The following CNOT1 variants were observed in gnomAD, a reference collection of about 807,000 sequenced individuals.
CNOT1 encodes the protein CCR4-NOT transcription complex subunit 1.
Under a neutral mutation model 273.8 loss-of-function variants are expected in CNOT1, and 15 were observed. The ratio of observed to expected loss-of-function variants is 0.05; its 90% confidence interval spans 0.04 to 0.08. The LOEUF (loss-of-function observed/expected upper bound fraction) is 0.08. CNOT1 is among the 10% of genes least tolerant of loss of function. The probability of loss-of-function intolerance (pLI) is 1.00; values close to 1 mark genes in which losing one functional copy is unlikely to be tolerated. For missense variants in CNOT1, 1,644 were observed against 2,912.2 expected (o/e 0.56, Z 10.02); for synonymous variants, 1,022 against 1,005.5 (o/e 1.02, Z -0.31).
chr16:58,542,255 C>T lies in CNOT1; in HGVS notation c.4656G>A (p.Arg1552=), dbSNP rs762300040. The change falls in exon 33 of 49, where the codon CGG becomes CGA. Residue 1552 remains arginine, a synonymous_variant. Coordinates refer to ENST00000317147, the MANE Select transcript of CNOT1 (RefSeq NM_016284.5). ...DPVVLTYQAE[R]MPEQIRLKVG... is the part of the protein sequence containing the mutation. ...CTTTCAGCCTGATTTGCTCTGGCAT[C>T]CGTTCAGCTTGATATGTTAAAACAA... 3.7e-6 allele frequency: 6 copies of T among 1,614,008 alleles called. No homozygotes were observed. In the Admixed American group the frequency reaches 1.0e-4, roughly 27 times the overall value.
chr16:58,578,227 G>A (rs2041529693), intron 13 of CNOT1, among the ~76,000 whole-genome samples: 1 of 152,112 alleles, frequency 6.6e-6, no homozygotes, highest in Non-Finnish European at 1.5e-5. Context: ...GCCGAGGTGG[G>A]TGGATCATTT....
chr16:58,562,149 C>T (rs1194303421), intron 16 of CNOT1, among the ~76,000 whole-genome samples: 1 of 150,764 alleles, frequency 6.6e-6, no homozygotes, highest in Non-Finnish European at 1.5e-5. Flanking sequence ...CACTACTGTA[C>T]TCCAGCCTGG....
chr16:58,549,311 AGG>A (rs1220202266), intron 25 of CNOT1, among the ~76,000 whole-genome samples: 1 of 137,186 alleles, frequency 7.3e-6, no homozygotes, highest in Non-Finnish European at 1.6e-5. Context: ...AAAAAAAAAA[AGG>A]GGGCTACAGC....
At chr16:58,607,449 C>A (rs1450590438) in intron 1 of CNOT1, among the ~76,000 whole-genome samples, 1 of 151,918 alleles carries the variant, frequency 6.6e-6, no homozygotes, top group Admixed American at 6.6e-5. Flanking sequence ...GCTATCTAGG[C>A]TGGGCAAGGT....
chr16:58,593,241 T>C lies in CNOT1; in HGVS notation c.103-4335A>G, dbSNP rs147100193. Among the ~76,000 whole-genome samples, 12 of 152,144 alleles carry C rather than the reference T, an allele frequency of 7.9e-5. No individual in the cohort carries two copies. In the East Asian group the frequency reaches 1.5e-3, roughly 20 times the overall value. ...GATTTTGAGACCAGCCTGGCCAACA[T>C]AGTGAAACCCAGTTCCTACTAAAAA... On this transcript the variant is annotated intron_variant, in intron 2 of 48. Transcript: ENST00000317147.
At chr16:58,537,307 G>A (rs2039955366) in intron 38 of CNOT1, 87 bp from the exon 39 acceptor site, 2 of 1,495,394 alleles carry the variant, frequency 1.3e-6, no homozygotes, top group South Asian at 1.4e-5. Context: ...TTATTTAACA[G>A]CAACCACCAG....
chr16:58,539,894 A>C lies in CNOT1; in HGVS notation c.4866T>G (p.His1622Gln), dbSNP rs748760045. Residue 1622 changes from histidine to glutamine, a missense_variant, in exon 35 of 49, where the codon CAT becomes CAG. His to Gln is a conservative substitution (Grantham distance 24, BLOSUM62 0). This residue lies in a region of CNOT1 where 170 missense variants were observed against 273.1 expected (regional missense o/e 0.62). Coordinates refer to ENST00000317147, the MANE Select transcript of CNOT1 (RefSeq NM_016284.5). ...CCAAAGTTGGTGGGATGGCATGTAG[A>C]TGTTGCTCCAGTTCTGTAATACACT... ...YDKCITELEQ[H>Q]LHAIPPTLAM... 6.2e-7 allele frequency: 1 copy of C among 1,614,202 alleles called. No homozygotes were observed. The highest frequency in any genetic ancestry group is 8.5e-7 in the Non-Finnish European group (1 of 1,180,024).
chr16:58,554,203 G>T (rs2040548523), intron 21 of CNOT1, among the ~76,000 whole-genome samples: 1 of 147,778 alleles, frequency 6.8e-6, no homozygotes, highest in South Asian at 2.1e-4. Flanking sequence ...ATACTACACA[G>T]CTGTAAAAAA....
intron 9 of CNOT1, 76 bp downstream of exon 9, chr16:58,582,980 T>C (rs2041706749): frequency 3.7e-6 from 6 of 1,607,660 alleles, no homozygotes; most frequent in Admixed American, 1.7e-5. Context: ...CAATCAATCA[T>C]ACTGTAATTT....
At chr16:58,627,984 C>T (rs1247567402) in intron 1 of CNOT1, among the ~76,000 whole-genome samples, 1 of 152,118 alleles carries the variant, frequency 6.6e-6, no homozygotes, top group Non-Finnish European at 1.5e-5. Context: ...CCTGCCACCA[C>T]GCCCGGCTAA....
intron 1 of CNOT1, among the ~76,000 whole-genome samples, chr16:58,602,543 ACT>A (rs2042505392): frequency 1.9e-5 from 2 of 105,594 alleles, no homozygotes; most frequent in South Asian, 3.5e-4. Flanking sequence ...ACAGAGCAAG[ACT>A]CTGTCTCCAA....
intron 34 of CNOT1, among the ~76,000 whole-genome samples, chr16:58,540,707 AC>A (rs1303726918): frequency 1.3e-5 from 2 of 152,060 alleles, no homozygotes; most frequent in Non-Finnish European, 2.9e-5. Context: ...TAATGGTTGT[AC>A]CATGGTCACA....
intron 1 of CNOT1, among the ~76,000 whole-genome samples, chr16:58,611,971 T>G (rs1169494683): frequency 6.6e-6 from 1 of 152,182 alleles, no homozygotes; most frequent in Non-Finnish European, 1.5e-5. Context: ...GCTCGTTTGT[T>G]TTTTCCTTTA....
chr16:58,625,505 C>G (rs1176425263), intron 1 of CNOT1, among the ~76,000 whole-genome samples: 1 of 150,310 alleles, frequency 6.7e-6, no homozygotes, highest in Non-Finnish European at 1.5e-5. Flanking sequence ...AGAGCAAAAC[C>G]CTGTTTTAAA....
At chr16:58,603,286 T>C (rs2042538430) in intron 1 of CNOT1, among the ~76,000 whole-genome samples, 1 of 152,136 alleles carries the variant, frequency 6.6e-6, no homozygotes, top group South Asian at 2.1e-4. Flanking sequence ...TCCCAGCTAC[T>C]TGTGATGCTG....
intron 1 of CNOT1, among the ~76,000 whole-genome samples, chr16:58,610,556 T>G (rs2042858683): frequency 6.6e-6 from 1 of 151,878 alleles, no homozygotes; most frequent in Non-Finnish European, 1.5e-5. Context: ...ATACAAAAAA[T>G]TAAAAGGCGG....
Position 58,551,225 on chromosome 16 carries a change from A to G in CNOT1, c.3249T>C (p.Asp1083=). The change falls in exon 24 of 49, where the codon GAT becomes GAC. Residue 1083 remains aspartate, a synonymous_variant. Transcript: ENST00000317147. ...TNIDTLLVAT[D]QTERIVEPPE... is the part of the protein sequence containing the mutation. ...GGGGCTCCACAATTCTCTCAGTTTG[A>G]TCTGTGGCCACAAGCAACGTATCTA... 1 of 1,606,864 alleles carries G rather than the reference A, an allele frequency of 6.2e-7. No homozygotes were observed. The highest frequency in any genetic ancestry group is 1.1e-5 in the South Asian group (1 of 88,774).
chr16:58,590,453 G>C (rs1466280782), intron 2 of CNOT1, among the ~76,000 whole-genome samples: 2 of 152,166 alleles, frequency 1.3e-5, no homozygotes, highest in Non-Finnish European at 2.9e-5. Context: ...AAATAGCTAG[G>C]CATGGTGATA....
intron 16 of CNOT1, among the ~76,000 whole-genome samples, chr16:58,561,472 T>A (rs1028726826): frequency 6.6e-5 from 10 of 152,156 alleles, no homozygotes; most frequent in South Asian, 4.1e-4. Flanking sequence ...TACATGTACT[T>A]ATAGACAAAA....
Sources: allele counts gnomAD v4.1 joint callset (sites outside exome capture counted in the v4.1 genomes callset), GRCh38; gene constraint gnomAD v4.1.1; regional missense constraint gnomAD v4.1.1; transcripts MANE v1.5; gene names NCBI Gene and HGNC (gene_info 2026-07-23, HGNC 2026-07-21).